AFDN: variants seen among roughly 807,000 people sequenced by gnomAD.
AFDN encodes afadin, adherens junction formation factor.
A neutral mutation model predicts 216.6 loss-of-function variants in AFDN; 68 were observed. The observed-to-expected ratio is 0.31, with a 90% CI of 0.26 to 0.38. The LOEUF (loss-of-function observed/expected upper bound fraction) is 0.38, where lower values mean the gene tolerates loss of function less well. AFDN is among the 10% of genes least tolerant of loss of function. The pLI is 1.00. For synonymous variants in AFDN, 868 were observed against 853.7 expected (o/e 1.02, Z -0.29); for missense variants, 2,136 against 2,342.0 (o/e 0.91, Z 1.82).
intron 5 of AFDN, among the ~76,000 whole-genome samples, chr6:167,879,143 C>G (rs148989175): frequency 5.3e-5 from 8 of 152,266 alleles, no homozygotes; most frequent in Middle Eastern, 3.4e-3. Flanking sequence ...AACAGGAGAG[C>G]CCCTGGGCAG....
At chr6:167,836,763 C>T (rs1313833395) in intron 1 of AFDN, among the ~76,000 whole-genome samples, 2 of 152,052 alleles carry the variant, frequency 1.3e-5, no homozygotes, top group East Asian at 1.9e-4. Flanking sequence ...AATTTTTAAC[C>T]GTTTAGTGCA....
intron 13 of AFDN, among the ~76,000 whole-genome samples, chr6:167,907,936 T>A (rs1362591667): frequency 6.6e-6 from 1 of 152,230 alleles, no homozygotes; most frequent in Non-Finnish European, 1.5e-5. Flanking sequence ...GTAATATCTT[T>A]GCATTAAACA....
At chr6:167,864,435 GT>G in intron 1 of AFDN, 115 bp from the exon 2 acceptor site, 1 of 986,760 alleles carries the variant, frequency 1.0e-6, no homozygotes, top group Non-Finnish European at 1.6e-6. Flanking sequence ...AGTCTCAGAT[GT>G]TTATGATGAA....
In AFDN at chr6:167,943,721, A is replaced by G. The variant is rs375658183; in HGVS notation, c.3240-220A>G. 5.9e-5 allele frequency among the ~76,000 whole-genome samples: 9 copies of G among 152,194 alleles called. No homozygotes were observed. In the East Asian group the frequency reaches 7.7e-4, roughly 13 times the overall value. On this transcript the variant is annotated intron_variant, in intron 25 of 33. Transcript: ENST00000683244. ...TTAAATTTCTGAATATTATCTTACT[A>G]TTCTTAAAATGATAACAGGAGATGT...
intron 12 of AFDN, among the ~76,000 whole-genome samples, chr6:167,904,364 A>G (rs1031677467): frequency 1.3e-5 from 2 of 152,008 alleles, no homozygotes; most frequent in African/African-American, 4.8e-5. Context: ...ACCTGCCACC[A>G]TGCTTGGCTA....
chr6:167,866,101 C>G (rs970969013), intron 2 of AFDN, among the ~76,000 whole-genome samples: 1 of 152,142 alleles, frequency 6.6e-6, no homozygotes, highest in East Asian at 1.9e-4. Flanking sequence ...AGAATAAAAT[C>G]TCTCTCACTT....
chr6:167,862,532 C>G (rs532397128), intron 1 of AFDN, among the ~76,000 whole-genome samples: 2 of 152,148 alleles, frequency 1.3e-5, no homozygotes, highest in Non-Finnish European at 2.9e-5. Flanking sequence ...CCTGCCACCA[C>G]GCCCAGCTAA....
At chr6:167,954,871 C>G (rs369370297) in intron 30 of AFDN, among the ~76,000 whole-genome samples, 1 of 152,110 alleles carries the variant, frequency 6.6e-6, no homozygotes, top group African/African-American at 2.4e-5. Flanking sequence ...GTTATAAACT[C>G]AGCTGAAAGG....
intron 13 of AFDN, among the ~76,000 whole-genome samples, chr6:167,907,916 A>G (rs1022704318): frequency 2.6e-5 from 4 of 152,176 alleles, no homozygotes; most frequent in African/African-American, 9.7e-5. Context: ...AATTATTTAA[A>G]TGTTGCAGAG....
At chr6:167,968,311 G>T (rs1479375106) in intron 32 of AFDN, 4 of 152,222 alleles carry the variant, frequency 2.6e-5, no homozygotes. Flanking sequence ...CTGCAGGGTG[G>T]TGGGAAACCT....
chr6:167,894,388 CT>C (rs2128360446), intron 9 of AFDN, among the ~76,000 whole-genome samples: 1 of 152,270 alleles, frequency 6.6e-6, no homozygotes, highest in South Asian at 2.1e-4. Context: ...GACTCAGGCA[CT>C]TTGGGCAGAA....
At chr6:167,904,390 A>C (rs1170450960) in intron 12 of AFDN, among the ~76,000 whole-genome samples, 1 of 151,880 alleles carries the variant, frequency 6.6e-6, no homozygotes, top group African/African-American at 2.4e-5. Flanking sequence ...TGTATTTTTT[A>C]GTAGAGATCG....
intron 1 of AFDN, among the ~76,000 whole-genome samples, chr6:167,843,806 G>A (rs969760371): frequency 2.0e-5 from 3 of 152,152 alleles, no homozygotes; most frequent in Admixed American, 2.0e-4. Flanking sequence ...ATATGCTGCT[G>A]CTTTTCACCT....
intron 21 of AFDN, among the ~76,000 whole-genome samples, chr6:167,919,383 T>C (rs1583410003): frequency 6.6e-6 from 1 of 152,256 alleles, no homozygotes; most frequent in Non-Finnish European, 1.5e-5. Flanking sequence ...CTACAGGCTG[T>C]GCTGCCATTG....
At chr6:167,897,234 G>T (rs1788373700) in intron 10 of AFDN, among the ~76,000 whole-genome samples, 1 of 152,172 alleles carries the variant, frequency 6.6e-6, no homozygotes, top group African/African-American at 2.4e-5. Flanking sequence ...CTAAAAGATG[G>T]TGATGATACT....
chr6:167,905,369 TGAGCCGAAGAA>T (rs1175657394), intron 12 of AFDN, among the ~76,000 whole-genome samples: 1 of 152,130 alleles, frequency 6.6e-6, no homozygotes, highest in Non-Finnish European at 1.5e-5. Context: ...AATAATTGAA[TGAGCCGAAGAA>T]AACTGTCTTT....
chr6:167,897,885 C>G (rs1382716396), intron 10 of AFDN, among the ~76,000 whole-genome samples: 1 of 152,030 alleles, frequency 6.6e-6, no homozygotes, highest in Non-Finnish European at 1.5e-5. Flanking sequence ...ACCTCATGAT[C>G]CGCCCATCTC....
At position 167,951,927 on chromosome 6, in the gene AFDN, C is replaced by T. The variant is rs756489867; in HGVS notation, c.4573C>T (p.Arg1525Trp). 5 of 1,613,932 alleles carry T rather than the reference C, an allele frequency of 3.1e-6. No homozygotes were observed. The African/African-American group carries it at 4.0e-5, about 13-fold the overall frequency. ...GDSLSPDPWK[R>W]DAKEKLEKQQ... ...CAGTCTGTCCCCCGACCCGTGGAAG[C>T]GGGACGCCAAGGAGAAGCTGGAGAA... The change falls in exon 30 of 34, where the codon CGG (arginine) becomes TGG (tryptophan). Residue 1525 changes from arginine to tryptophan, a missense_variant. Arg to Trp is a moderately radical substitution (Grantham distance 101, BLOSUM62 -3). This residue lies in a region of AFDN where 981 missense variants were observed against 966.0 expected (regional missense o/e 1.02). Transcript: ENST00000683244. The surrounding 1 kb of genome is among the most constrained non-coding windows in gnomAD (Gnocchi z 7.1).
At chr6:167,906,712 G>A (rs758811389) in intron 12 of AFDN, among the ~76,000 whole-genome samples, 7 of 152,162 alleles carry the variant, frequency 4.6e-5, no homozygotes, top group Non-Finnish European at 7.4e-5. Context: ...GCCAGTTTCT[G>A]TACTGAATTC....
Sources: allele counts gnomAD v4.1 joint callset (sites outside exome capture counted in the v4.1 genomes callset), GRCh38; gene constraint gnomAD v4.1.1; regional missense constraint gnomAD v4.1.1; non-coding constraint Gnocchi (gnomAD v3.1); transcripts MANE v1.5; gene names NCBI Gene and HGNC (gene_info 2026-07-23, HGNC 2026-07-21).